CEP152: variants seen among roughly 807,000 people sequenced by gnomAD.
The protein encoded by CEP152 is centrosomal protein of 152 kDa.
In CEP152, 132 loss-of-function variants were observed where a neutral mutation model predicts 188.9. That is an observed-to-expected ratio of 0.70 (90% confidence interval 0.61 to 0.81). The LOEUF (loss-of-function observed/expected upper bound fraction) is 0.81. Among genes scored for constraint, CEP152 ranks in the 30% least tolerant of loss-of-function variants. The probability of loss-of-function intolerance (pLI) is 0.00; values close to 1 mark genes in which losing one functional copy is unlikely to be tolerated. For synonymous variants in CEP152, 649 were observed against 666.6 expected, an observed-to-expected ratio of 0.97 and a Z score of 0.41; for missense variants, 1,914 against 1,969.8, an observed-to-expected ratio of 0.97 and a Z score of 0.54.
chr15:48,745,476 G>A (rs1893336587), intron 22 of CEP152, among the ~76,000 whole-genome samples: 2 of 151,438 alleles, frequency 1.3e-5, no homozygotes, highest in East Asian at 1.9e-4. Context: ...GTGTGTGTGA[G>A]CAACAAGGCT....
chr15:48,747,264 C>G (rs1401440384), intron 22 of CEP152, among the ~76,000 whole-genome samples: 1 of 152,172 alleles, frequency 6.6e-6, no homozygotes, highest in East Asian at 1.9e-4. Context: ...ACAAAATAAA[C>G]TTATTAACCT....
At chr15:48,807,394 T>G (rs117143514) in intron 1 of CEP152, among the ~76,000 whole-genome samples, 1 of 152,140 alleles carries the variant, frequency 6.6e-6, no homozygotes, top group African/African-American at 2.4e-5. Context: ...TTGAAAATAC[T>G]AGCCCAATTA....
intron 2 of CEP152, among the ~76,000 whole-genome samples, chr15:48,804,702 A>G (rs1897872091): frequency 6.6e-6 from 1 of 152,216 alleles, no homozygotes; most frequent in Admixed American, 6.5e-5. Flanking sequence ...CTTTCCTTCT[A>G]TAATCTATTC....
rs1240605332 is a variant in CEP152, at chr15:48,762,650, T to C, written c.2303A>G (p.Gln768Arg). 1 of 1,613,766 alleles carries C rather than the reference T, an allele frequency of 6.2e-7. No homozygotes were observed. The highest frequency in any genetic ancestry group is 1.3e-5 in the African/African-American group (1 of 74,946). The change falls in exon 18 of 27, where the codon CAG becomes CGG. Residue 768 changes from glutamine (Q) to arginine (R), a missense_variant. Coordinates refer to ENST00000380950, the MANE Select transcript of CEP152 (RefSeq NM_001194998.2). ...QEKIKEKLIQQLEKEWQSKLD... is the reference protein window; with the variant it reads ...QEKIKEKLIQRLEKEWQSKLD... ...CTTAGACTGCCACTCCTTTTCAAGC[T>C]GTTGAATGAGTTTTTCTTTGATCTG... is the stretch of plus-strand genomic sequence containing the variant.
chr15:48,743,272 T>C (rs1216095109), intron 24 of CEP152, among the ~76,000 whole-genome samples: 1 of 152,204 alleles, frequency 6.6e-6, no homozygotes, highest in Non-Finnish European at 1.5e-5. Context: ...TATTTGAAAC[T>C]TCAGACTTTT....
At chr15:48,765,486 A>G (rs934752136) in intron 17 of CEP152, among the ~76,000 whole-genome samples, 2 of 151,790 alleles carry the variant, frequency 1.3e-5, no homozygotes, top group African/African-American at 4.8e-5. Flanking sequence ...ACAAACACTC[A>G]TGAGCCAAAA....
At chr15:48,801,638 A>G (rs1349170011) in intron 2 of CEP152, among the ~76,000 whole-genome samples, 1 of 152,218 alleles carries the variant, frequency 6.6e-6, no homozygotes, top group Non-Finnish European at 1.5e-5. Flanking sequence ...AGATAATTTT[A>G]CTATCTGGAA....
chr15:48,761,988 C>T (rs1049761716), intron 18 of CEP152, among the ~76,000 whole-genome samples: 2 of 152,180 alleles, frequency 1.3e-5, no homozygotes. Context: ...CAAGTCTCCA[C>T]ACAATGTTGT....
At chr15:48,802,927 A>G (rs757188872) in intron 2 of CEP152, among the ~76,000 whole-genome samples, 2 of 152,262 alleles carry the variant, frequency 1.3e-5, no homozygotes, top group Non-Finnish European at 2.9e-5. Context: ...ACAAAATTAA[A>G]CACAGCTTGG....
intron 19 of CEP152, among the ~76,000 whole-genome samples, chr15:48,756,975 G>A (rs1314909548): frequency 6.6e-6 from 1 of 152,120 alleles, no homozygotes; most frequent in Non-Finnish European, 1.5e-5. Flanking sequence ...ATAATTACTT[G>A]CTGATAAGTG....
chr15:48,765,143 G>A lies in CEP152; in HGVS notation c.2280+1917C>T, dbSNP rs188331892. On this transcript the variant is annotated intron_variant, in intron 17 of 26. Coordinates refer to ENST00000380950, the MANE Select transcript of CEP152 (RefSeq NM_001194998.2). ...AGTAAAAAACTAATGAATTCCCAGA[G>A]AGGGAAGAAATTAAACTTCTAATGC... Among the ~76,000 whole-genome samples, 128 of 152,282 alleles carry A rather than the reference G, an allele frequency of 8.4e-4. 1 individual carries two copies. Among genetic ancestry groups the A allele is most frequent in the African/African-American group, 2.8e-3 (115 of 41,550 alleles).
chr15:48,803,005 T>G (rs34912622), intron 2 of CEP152, among the ~76,000 whole-genome samples: 11,561 of 152,322 alleles, frequency 0.076, 526 homozygotes, highest in Middle Eastern at 0.17. Context: ...TCCAACCATG[T>G]ACCAAGACAG....
intron 9 of CEP152, among the ~76,000 whole-genome samples, chr15:48,786,172 A>G (rs1288268595): frequency 2.6e-5 from 4 of 152,222 alleles, no homozygotes; most frequent in African/African-American, 9.6e-5. Context: ...AAGGAGACAG[A>G]AGGAAAAAAG....
downstream of CEP152, among the ~76,000 whole-genome samples, chr15:48,734,263 A>G (rs1040438849): frequency 2.6e-5 from 4 of 151,322 alleles, no homozygotes; most frequent in Admixed American, 6.6e-5. Flanking sequence ...AGCACAAAGG[A>G]GGGGCAAGGA....
chr15:48,745,380 A>G (rs1439998645), intron 22 of CEP152, among the ~76,000 whole-genome samples: 1 of 152,134 alleles, frequency 6.6e-6, no homozygotes, highest in Non-Finnish European at 1.5e-5. Flanking sequence ...CCTCGATATA[A>G]AACAAAAAGA....
intron 12 of CEP152, among the ~76,000 whole-genome samples, chr15:48,776,580 T>G (rs2140811732): frequency 6.6e-6 from 1 of 152,272 alleles, no homozygotes; most frequent in African/African-American, 2.4e-5. Context: ...GATATTGCAT[T>G]ATTTATAAGT....
chr15:48,738,802 G>A lies in CEP152; in HGVS notation c.4580C>T (p.Ser1527Phe). The change falls in exon 27 of 27, where the codon TCT becomes TTT. Residue 1527 changes from serine to phenylalanine, a missense_variant. Ser to Phe is a radical substitution (Grantham distance 155, BLOSUM62 -2). Coordinates refer to ENST00000380950, the MANE Select transcript of CEP152 (RefSeq NM_001194998.2). ...TACTTTTAAACCAAGTCTTTCATTA[G>A]AATCGCGAAAGGTTATATGCATGCA... ...SGCMHITFRD[S>F]NERLGLKVYK... is the part of the protein sequence containing the mutation. The A allele has an allele frequency of 1.2e-6, 2 of 1,614,150 alleles. No individual in the cohort carries two copies. Among genetic ancestry groups the A allele is most frequent in the Non-Finnish European group, 1.7e-6 (2 of 1,180,012 alleles).
intron 2 of CEP152, among the ~76,000 whole-genome samples, chr15:48,798,460 G>T (rs1897467246): frequency 6.6e-6 from 1 of 152,170 alleles, no homozygotes. Context: ...ATCCCACAGG[G>T]AATGTGAGTA....
chr15:48,779,762 G>A (rs1008059528), intron 12 of CEP152, among the ~76,000 whole-genome samples: 1 of 152,208 alleles, frequency 6.6e-6, no homozygotes, highest in African/African-American at 2.4e-5. Flanking sequence ...GGCATTAGCA[G>A]GAAATGAGGC....
Sources: allele counts gnomAD v4.1 joint callset (sites outside exome capture counted in the v4.1 genomes callset), GRCh38; gene constraint gnomAD v4.1.1; transcripts MANE v1.5; gene names NCBI Gene and HGNC (gene_info 2026-07-23, HGNC 2026-07-21).